ARHGEF12: variants seen among roughly 807,000 people sequenced by gnomAD.
The protein encoded by ARHGEF12 is Rho guanine nucleotide exchange factor 12, also known as KMT2A/ARHGEF12 fusion protein.
In ARHGEF12, 66 loss-of-function variants were observed where a neutral mutation model predicts 211.2. That is an observed-to-expected ratio of 0.31 (90% CI 0.26 to 0.38). ARHGEF12 has a LOEUF of 0.38. Among genes scored for constraint, ARHGEF12 ranks in the 10% least tolerant of loss-of-function variants. ARHGEF12 has a pLI of 1.00. For missense variants in ARHGEF12, 1,429 were observed against 1,869.5 expected, an observed-to-expected ratio of 0.76 and a Z score of 4.34; for synonymous variants, 592 against 638.4, an observed-to-expected ratio of 0.93 and a Z score of 1.09.
intron 7 of ARHGEF12, among the ~76,000 whole-genome samples, chr11:120,426,510 T>C (rs896049595): frequency 4.6e-5 from 7 of 152,030 alleles, no homozygotes; most frequent in Non-Finnish European, 1.0e-4. Context: ...AAAAGTGATA[T>C]CAAATCAGAG....
chr11:120,437,606 A>C (rs149478950), intron 12 of ARHGEF12, among the ~76,000 whole-genome samples: 12 of 152,302 alleles, frequency 7.9e-5, no homozygotes, highest in African/African-American at 2.6e-4. Context: ...GTAACATAAA[A>C]TGTACTAGTT....
chr11:120,336,690 G>A lies in ARHGEF12; in HGVS notation c.-554G>A, dbSNP rs892114096. ...ACCGGGAGCCTGGTGAGGGCGGCGA[G>A]CACAGAAGGAGCCCCGGGCCCGGGA... On this transcript the variant is annotated 5_prime_UTR_variant, in exon 1 of 41. Transcript: ENST00000397843. Among the ~76,000 whole-genome samples, 6 of 152,110 alleles carry A rather than the reference G, an allele frequency of 3.9e-5. No homozygotes were observed. Among genetic ancestry groups the A allele is most frequent in the African/African-American group, 1.4e-4 (6 of 41,456 alleles).
At chr11:120,472,821 A>AT (rs1390440842) in intron 30 of ARHGEF12, among the ~76,000 whole-genome samples, 15 of 151,278 alleles carry the variant, frequency 9.9e-5, no homozygotes, top group South Asian at 2.1e-4. Context: ...TGCCCGGCTA[A>AT]TTTTTTTTTA....
chr11:120,354,900 G>A (rs560045654), intron 1 of ARHGEF12, among the ~76,000 whole-genome samples: 67 of 152,316 alleles, frequency 4.4e-4, no homozygotes, highest in African/African-American at 1.5e-3. Flanking sequence ...ACAGACATCC[G>A]CTATGCTGAG....
At chr11:120,369,914 G>A (rs746175622) in intron 1 of ARHGEF12, among the ~76,000 whole-genome samples, 4 of 152,112 alleles carry the variant, frequency 2.6e-5, no homozygotes, top group African/African-American at 4.8e-5. Context: ...ATTTTCCCCC[G>A]ATCCTGTTCT....
Position 120,406,163 on chromosome 11 carries a change from T to C in ARHGEF12, c.56+22T>C. On this transcript the variant is annotated intron_variant, in intron 2 of 40. Transcript: ENST00000397843. Reference sequence around the variant, plus strand: ...TAAGGTAAGTTTGCTCAATTACACTTCATACTCAAGTTTAGGTTATATTTT... The same window carrying C: ...TAAGGTAAGTTTGCTCAATTACACTCCATACTCAAGTTTAGGTTATATTTT... 2.0e-6 allele frequency: 3 copies of C among 1,491,722 alleles called. No homozygotes were observed. In the East Asian group the frequency reaches 7.7e-5, roughly 38 times the overall value. 92.4% of individuals were successfully genotyped at this position (1,491,722 alleles called of 1,614,324 possible). A position where few individuals can be genotyped will look rare whatever the true frequency, so the allele number is the denominator to read the frequency against.
chr11:120,359,665 G>A (rs1943227535), intron 1 of ARHGEF12, among the ~76,000 whole-genome samples: 1 of 152,194 alleles, frequency 6.6e-6, no homozygotes, highest in African/African-American at 2.4e-5. Flanking sequence ...ATTTGTGATG[G>A]TAGTTGAAGA....
chr11:120,350,012 T>C (rs1211800615), intron 1 of ARHGEF12, among the ~76,000 whole-genome samples: 2 of 152,232 alleles, frequency 1.3e-5, no homozygotes, highest in Non-Finnish European at 2.9e-5. Context: ...CAGTATACTT[T>C]TAAATCTGCC....
chr11:120,468,507 G>A (rs1375283106), intron 29 of ARHGEF12, among the ~76,000 whole-genome samples: 1 of 152,142 alleles, frequency 6.6e-6, no homozygotes, highest in Non-Finnish European at 1.5e-5. Flanking sequence ...GGAGTGAAGT[G>A]GCACAATCTC....
At chr11:120,481,819 G>A (rs548808100) in intron 39 of ARHGEF12, among the ~76,000 whole-genome samples, 1 of 150,958 alleles carries the variant, frequency 6.6e-6, no homozygotes, top group African/African-American at 2.4e-5. Context: ...GAGTGCAGTG[G>A]CGTGATCTCA....
intron 26 of ARHGEF12, among the ~76,000 whole-genome samples, chr11:120,459,675 T>C (rs1946466932): frequency 6.6e-6 from 1 of 152,116 alleles, no homozygotes. Flanking sequence ...TAGTAGTGTA[T>C]GGTATATAAT....
intron 1 of ARHGEF12, among the ~76,000 whole-genome samples, chr11:120,391,878 A>AT (rs1944229257): frequency 6.6e-6 from 1 of 152,180 alleles, no homozygotes; most frequent in East Asian, 1.9e-4. Flanking sequence ...CAATATTATA[A>AT]ACTTTATGCA....
At chr11:120,414,475 CTATT>C (rs1257784380) in intron 4 of ARHGEF12, among the ~76,000 whole-genome samples, 1 of 151,860 alleles carries the variant, frequency 6.6e-6, no homozygotes, top group African/African-American at 2.4e-5. Flanking sequence ...TATTTAATAA[CTATT>C]TAGTGAGCAC....
At chr11:120,454,258 A>G (rs1422552033) in intron 22 of ARHGEF12, among the ~76,000 whole-genome samples, 1 of 152,250 alleles carries the variant, frequency 6.6e-6, no homozygotes, top group East Asian at 1.9e-4. Flanking sequence ...GACGTAAGAT[A>G]ATATATAATG....
intron 7 of ARHGEF12, among the ~76,000 whole-genome samples, chr11:120,426,805 T>C (rs1257358931): frequency 3.9e-5 from 6 of 152,224 alleles, no homozygotes; most frequent in Non-Finnish European, 7.3e-5. Flanking sequence ...AAAAGTTCTA[T>C]TGAAATATCT....
chr11:120,485,985 G>T lies in ARHGEF12; in HGVS notation c.*908G>T. On this transcript the variant is annotated 3_prime_UTR_variant, in exon 41 of 41. Coordinates refer to ENST00000397843, the MANE Select transcript of ARHGEF12 (RefSeq NM_015313.3). ...ATTTCATTTTTATAATTATACATTAGACATTGGCACTTGTGTAAAACTGTC... is the reference window on the plus strand; with the variant it reads ...ATTTCATTTTTATAATTATACATTATACATTGGCACTTGTGTAAAACTGTC... 4 of 231,634 alleles carry T rather than the reference G, an allele frequency of 1.7e-5. No individual in the cohort carries two copies. The highest frequency in any genetic ancestry group is 2.6e-5 in the Non-Finnish European group (3 of 116,922). 14.3% of individuals were successfully genotyped at this position (231,634 alleles called of 1,614,324 possible).
intron 1 of ARHGEF12, among the ~76,000 whole-genome samples, chr11:120,356,552 T>C (rs1041248593): frequency 2.6e-5 from 4 of 152,216 alleles, no homozygotes; most frequent in Non-Finnish European, 5.9e-5. Context: ...ACTTTGTCTT[T>C]ATTGTCATCA....
chr11:120,431,975 T>C (rs1293757102), intron 11 of ARHGEF12, 64 bp downstream of exon 11: 2 of 1,447,562 alleles, frequency 1.4e-6, no homozygotes, highest in East Asian at 2.4e-5. Context: ...CTTTCTAGAT[T>C]TGATTTTAAG....
At chr11:120,379,563 TA>T (rs1396404747) in intron 1 of ARHGEF12, among the ~76,000 whole-genome samples, 1 of 152,048 alleles carries the variant, frequency 6.6e-6, no homozygotes, top group Admixed American at 6.6e-5. Flanking sequence ...AGTTACCTTC[TA>T]TTCCTAGCTT....
Sources: allele counts gnomAD v4.1 joint callset (sites outside exome capture counted in the v4.1 genomes callset), GRCh38; gene constraint gnomAD v4.1.1; transcripts MANE v1.5; gene names NCBI Gene and HGNC (gene_info 2026-07-23, HGNC 2026-07-21).